Variants in LARGE1 observed in about 807,000 individuals in gnomAD.
LARGE1 encodes xylosyl- and glucuronyltransferase LARGE1.
A neutral mutation model predicts 87.6 loss-of-function variants in LARGE1; 43 were observed. That is an observed-to-expected ratio of 0.49 (90% confidence interval 0.38 to 0.63). The LOEUF is 0.63. Ranked by LOEUF, LARGE1 falls within the 30% of genes least tolerant of loss-of-function variation. The pLI is 0.00. For missense variants in LARGE1, 802 were observed against 1,000.2 expected (o/e 0.80, Z 2.67); for synonymous variants, 434 against 394.6 (o/e 1.10, Z -1.18).
intron 2 of LARGE1, among the ~76,000 whole-genome samples, chr22:33,690,670 G>A (rs1461231500): frequency 1.4e-5 from 2 of 140,930 alleles, no homozygotes; most frequent in Non-Finnish European, 1.5e-5. Context: ...CAGAGAAGAG[G>A]AAAAAAAAAA....
intron 6 of LARGE1, among the ~76,000 whole-genome samples, chr22:33,555,637 T>C (rs370340877): frequency 3.3e-5 from 5 of 151,928 alleles, no homozygotes; most frequent in South Asian, 4.2e-4. Context: ...GTTTGAAAAG[T>C]AGATTGAAGG....
intron 2 of LARGE1, among the ~76,000 whole-genome samples, chr22:33,713,004 A>C (rs905479864): frequency 8.5e-5 from 13 of 152,076 alleles, no homozygotes; most frequent in African/African-American, 3.1e-4. Flanking sequence ...GTTCTGAAAA[A>C]TTGCCCCTTT....
At chr22:33,268,032 T>C (rs1035178701), downstream of LARGE1, among the ~76,000 whole-genome samples, 2 of 151,330 alleles carry the variant, frequency 1.3e-5, no homozygotes, top group Admixed American at 6.6e-5. Context: ...CTCGGCTCAC[T>C]GCAACCTCCG....
the LARGE1 span, among the ~76,000 whole-genome samples, chr22:33,142,114 G>A: frequency 6.6e-6 from 1 of 152,176 alleles, no homozygotes; most frequent in Non-Finnish European, 1.5e-5. Flanking sequence ...TAGGTTAGTG[G>A]TCAGCCAATG....
intron 11 of LARGE1, among the ~76,000 whole-genome samples, chr22:33,190,529 A>T (rs1441542493): frequency 3.3e-5 from 5 of 152,182 alleles, no homozygotes; most frequent in Non-Finnish European, 7.3e-5. Flanking sequence ...AAACAGCTCA[A>T]ATTCAAAACC....
At chr22:33,619,554 CAAAAAAA>C (rs553269111) in intron 4 of LARGE1, among the ~76,000 whole-genome samples, 1 of 59,114 alleles carries the variant, frequency 1.7e-5, no homozygotes, top group African/African-American at 5.1e-5. Flanking sequence ...GACTCTGTCT[CAAAAAAA>C]AAAAAAAAAA....
chr22:33,490,482 G>A (rs545367570), intron 6 of LARGE1, among the ~76,000 whole-genome samples: 1 of 152,250 alleles, frequency 6.6e-6, no homozygotes, highest in African/African-American at 2.4e-5. Context: ...CAGTAAACAT[G>A]TGTTGTTTCT....
intron 6 of LARGE1, among the ~76,000 whole-genome samples, chr22:33,525,242 A>C (rs1411455123): frequency 2.0e-5 from 3 of 152,144 alleles, no homozygotes; most frequent in Admixed American, 6.5e-5. Flanking sequence ...TTAATCCTTC[A>C]AGATTGAGGC....
At position 33,274,063 on chromosome 22, in the gene LARGE1, T is replaced by A. The variant is rs1928665209; in HGVS notation, c.*364A>T. On this transcript the variant is annotated 3_prime_UTR_variant, in exon 15 of 15. Transcript: ENST00000397394. The stretch of plus-strand genomic sequence containing the variant: ...CCTGACTTCCCTTTCTCCCCAGTTA[T>A]GATGGGAAGCATAATTATTAAAAAG... 2.4e-6 allele frequency: 1 copy of A among 417,584 alleles called. No homozygotes were observed. The highest frequency in any genetic ancestry group is 4.4e-6 in the Non-Finnish European group (1 of 229,398). 25.9% of individuals were successfully genotyped at this position (417,584 alleles called of 1,614,324 possible).
At chr22:33,772,107 G>T (rs2085086903) in intron 1 of LARGE1, among the ~76,000 whole-genome samples, 1 of 152,182 alleles carries the variant, frequency 6.6e-6, no homozygotes, top group Non-Finnish European at 1.5e-5. Context: ...GCCAAGGCAG[G>T]TGGATCACGA....
the LARGE1 span, among the ~76,000 whole-genome samples, chr22:33,102,688 G>A: frequency 4.0e-5 from 6 of 151,542 alleles, no homozygotes; most frequent in Non-Finnish European, 5.9e-5. Flanking sequence ...ACGGGGTTTC[G>A]CCATGTTGAG....
chr22:33,715,225 A>C (rs936148455), intron 2 of LARGE1, among the ~76,000 whole-genome samples: 2 of 152,336 alleles, frequency 1.3e-5, no homozygotes, highest in Admixed American at 6.5e-5. Context: ...TCAGGCCTAC[A>C]ACCCAGAGTT....
At chr22:33,667,130 C>T (rs754790684) in intron 2 of LARGE1, among the ~76,000 whole-genome samples, 3 of 152,238 alleles carry the variant, frequency 2.0e-5, no homozygotes, top group African/African-American at 7.2e-5. Context: ...CATGCACCCA[C>T]GTGCACACAC....
At chr22:33,212,962 G>A (rs957010619) in intron 11 of LARGE1, among the ~76,000 whole-genome samples, 2 of 151,526 alleles carry the variant, frequency 1.3e-5, no homozygotes, top group Admixed American at 1.3e-4. Flanking sequence ...GGTCTGCAGT[G>A]AGCCGAGATC....
intron 13 of LARGE1, among the ~76,000 whole-genome samples, chr22:33,280,674 C>T (rs968601424): frequency 6.6e-6 from 1 of 152,160 alleles, no homozygotes; most frequent in African/African-American, 2.4e-5. Context: ...AAACAAGCCC[C>T]AGCCTGTGAA....
At chr22:33,642,735 A>AAAAT (rs2080481365) in intron 3 of LARGE1, among the ~76,000 whole-genome samples, 1 of 146,420 alleles carries the variant, frequency 6.8e-6, no homozygotes, top group African/African-American at 2.5e-5. Context: ...AAAAAAAAAA[A>AAAAT]GGCAGGAGAT....
intron 11 of LARGE1, among the ~76,000 whole-genome samples, chr22:33,217,252 A>T (rs560144211): frequency 3.0e-4 from 46 of 152,252 alleles, no homozygotes; most frequent in East Asian, 5.8e-4. Flanking sequence ...AAAAAAAAAA[A>T]AATAACGAGC....
the LARGE1 span, among the ~76,000 whole-genome samples, chr22:33,073,972 C>T: frequency 1.3e-5 from 2 of 152,164 alleles, no homozygotes. Flanking sequence ...TAACTAGAAG[C>T]TTCCTTCCTG....
At chr22:33,914,744 C>T (rs2065733756) in intron 1 of LARGE1, among the ~76,000 whole-genome samples, 1 of 152,146 alleles carries the variant, frequency 6.6e-6, no homozygotes, top group Non-Finnish European at 1.5e-5. Flanking sequence ...CTAAAGAGTG[C>T]TCAGTGTAGA....
Sources: allele counts gnomAD v4.1 joint callset (sites outside exome capture counted in the v4.1 genomes callset), GRCh38; gene constraint gnomAD v4.1.1; transcripts MANE v1.5; gene names NCBI Gene and HGNC (gene_info 2026-07-23, HGNC 2026-07-21).